Variants in PCBP2 observed in about 807,000 individuals in gnomAD.
The protein encoded by PCBP2 is poly(rC) binding protein 2, also known as poly(rC)-binding protein 2.
Under a neutral mutation model 50.1 loss-of-function variants are expected in PCBP2, and 4 were observed. That is an observed-to-expected ratio of 0.08 (90% CI 0.04 to 0.18). PCBP2 has a LOEUF of 0.18. Among genes scored for constraint, PCBP2 ranks in the 10% least tolerant of loss-of-function variants. PCBP2 has a pLI of 1.00. For synonymous variants in PCBP2, 179 were observed against 168.0 expected, an observed-to-expected ratio of 1.07 and a Z score of -0.51; for missense variants, 161 against 474.3, an observed-to-expected ratio of 0.34 and a Z score of 6.14.
intron 14 of PCBP2, among the ~76,000 whole-genome samples, chr12:53,477,718 A>T (rs1193155870): frequency 6.9e-6 from 1 of 143,910 alleles, no homozygotes; most frequent in African/African-American, 2.5e-5. Flanking sequence ...CTTAATACTG[A>T]GGTGGAGAAA....
chr12:53,468,440 A>AG, intron 12 of PCBP2: 1 of 313,148 alleles, frequency 3.2e-6, no homozygotes. Context: ...ACAACAGGAA[A>AG]GGGGTAGAAG....
At chr12:53,452,455 C>A (rs893862106) in intron 1 of PCBP2, 79 bp downstream of exon 1, 6 of 151,016 alleles carry the variant, frequency 4.0e-5, no homozygotes, top group African/African-American at 1.2e-4. Context: ...CGGCTCGGGT[C>A]CTAGTCACGA....
At chr12:53,462,353 T>A (rs1941508865) in intron 7 of PCBP2, 140 bp from the exon 8 acceptor site, 2 of 589,156 alleles carry the variant, frequency 3.4e-6, no homozygotes, top group Admixed American at 3.2e-5. Flanking sequence ...TGAGATTAGA[T>A]CTAGCCAGAG....
chr12:53,471,499 A>G, intron 13 of PCBP2, 139 bp from the exon 14 acceptor site: 1 of 705,664 alleles, frequency 1.4e-6, no homozygotes, highest in Non-Finnish European at 2.1e-6. Context: ...CAGGAGGCTG[A>G]GGTTGCACAG....
intron 5 of PCBP2, among the ~76,000 whole-genome samples, chr12:53,457,484 C>T (rs117222813): frequency 6.6e-6 from 1 of 151,956 alleles, no homozygotes; most frequent in Admixed American, 6.6e-5. Flanking sequence ...TAGGTGGGAC[C>T]ACAGGCTTGA....
Position 53,471,763 on chromosome 12 carries a change from A to T in PCBP2, c.1008A>T (p.Gly336=), listed in dbSNP as rs563968988. The change falls in exon 14 of 15, where the codon GGA becomes GGT. Residue 336 remains glycine, a synonymous_variant. Transcript: ENST00000546463. ...CTGATAGGCAGGTTACCATCACTGG[A>T]TCTGCTGCCAGCATTAGCCTGGCTC... ...GSTDRQVTIT[G]SAASISLAQY... is the part of the protein sequence containing the mutation. The T allele has an allele frequency of 1.2e-6, 2 of 1,613,362 alleles. No individual in the cohort carries two copies. Among genetic ancestry groups the T allele is most frequent in the Admixed American group, 1.7e-5 (1 of 60,008 alleles).
intron 14 of PCBP2, among the ~76,000 whole-genome samples, chr12:53,478,657 A>G (rs1197043679): frequency 6.6e-6 from 1 of 151,818 alleles, no homozygotes; most frequent in African/African-American, 2.4e-5. Flanking sequence ...TAGAAAAAGT[A>G]GCTGGGAGTG....
At chr12:53,471,897 T>A in intron 14 of PCBP2, 90 bp downstream of exon 14, 1 of 1,062,038 alleles carries the variant, frequency 9.4e-7, no homozygotes, top group Non-Finnish European at 1.3e-6. Context: ...TGGGATTACA[T>A]GGGCGATGGG....
chr12:53,466,590 T>G (rs933702393), intron 10 of PCBP2, among the ~76,000 whole-genome samples: 1 of 152,224 alleles, frequency 6.6e-6, no homozygotes, highest in Admixed American at 6.5e-5. Context: ...TGAGCATTAT[T>G]AGACTTGGGA....
chr12:53,460,940 C>A, intron 6 of PCBP2, 75 bp from the exon 7 acceptor site: 1 of 1,531,892 alleles, frequency 6.5e-7, no homozygotes, highest in Non-Finnish European at 9.0e-7. Context: ...GTTTTAGGCT[C>A]TGAAATTGCT....
At chr12:53,461,536 A>G (rs1941445523) in intron 7 of PCBP2, among the ~76,000 whole-genome samples, 1 of 152,218 alleles carries the variant, frequency 6.6e-6, no homozygotes. Context: ...GTAGGAGGGT[A>G]TTCAAAGTGT....
intron 2 of PCBP2, 71 bp downstream of exon 2, chr12:53,454,940 C>A: frequency 7.9e-7 from 1 of 1,258,034 alleles, no homozygotes; most frequent in Non-Finnish European, 1.2e-6. Flanking sequence ...AGACATGCAT[C>A]TTGGAGCTCA....
intron 5 of PCBP2, among the ~76,000 whole-genome samples, chr12:53,458,742 G>A (rs1285237169): frequency 6.6e-6 from 1 of 151,486 alleles, no homozygotes; most frequent in African/African-American, 2.4e-5. Flanking sequence ...GGGTTCAAGC[G>A]ATTCTCCCGC....
intron 14 of PCBP2, among the ~76,000 whole-genome samples, chr12:53,472,497 T>G (rs1238451701): frequency 6.6e-6 from 1 of 152,204 alleles, no homozygotes; most frequent in Non-Finnish European, 1.5e-5. Context: ...GATCCTACAG[T>G]CATTTATATT....
At position 53,471,709 on chromosome 12, in the gene PCBP2, C is replaced by T; in HGVS notation, c.954C>T (p.Ile318=). 1 of 1,613,966 alleles carries T rather than the reference C, an allele frequency of 6.2e-7. No homozygotes were observed. The highest frequency in any genetic ancestry group is 8.5e-7 in the Non-Finnish European group (1 of 1,180,000). The change falls in exon 14 of 15, where the codon ATC becomes ATT. Residue 318 remains isoleucine (I), a synonymous_variant. Coordinates refer to ENST00000546463, the MANE Select transcript of PCBP2 (RefSeq NM_031989.5). ...NEIRQMSGAQ[I]KIANPVEGST... Reference sequence around the variant, plus strand: ...TCCGTCAGATGTCTGGGGCGCAGATCAAAATTGCGAACCCAGTGGAAGGAT... The same window carrying T: ...TCCGTCAGATGTCTGGGGCGCAGATTAAAATTGCGAACCCAGTGGAAGGAT...
Position 53,459,307 on chromosome 12 carries a change from C to T in PCBP2, c.279C>T (p.Ala93=). 2 of 1,612,924 alleles carry T rather than the reference C, an allele frequency of 1.2e-6. No individual in the cohort carries two copies. The highest frequency in any genetic ancestry group is 8.5e-7 in the Non-Finnish European group (1 of 1,179,298). The change falls in exon 6 of 15, where the codon GCC becomes GCT. Residue 93 remains alanine, a synonymous_variant. Transcript: ENST00000546463. ...ISSSMTNSTA[A]SRPPVTLRLV... ...GCTCTATGACCAATAGCACAGCTGC[C>T]AGTAGACCCCCGGTCACCCTGAGGC... is the stretch of plus-strand genomic sequence containing the variant.
intron 13 of PCBP2, 98 bp downstream of exon 13, chr12:53,468,930 T>TTTTTTTTTTTTTTTTTTTG: frequency 2.0e-6 from 2 of 1,004,124 alleles, no homozygotes; most frequent in African/African-American, 3.3e-5. Flanking sequence ...TTTTTTTTTT[T>TTTTTTTTTTTTTTTTTTTG]TTTTTTAAAC....
At chr12:53,456,457 CAAAA>C (rs111399555) in intron 5 of PCBP2, among the ~76,000 whole-genome samples, 5 of 127,792 alleles carry the variant, frequency 3.9e-5, no homozygotes, top group Admixed American at 3.2e-4. Context: ...GACTCTGTCT[CAAAA>C]AAAAAAAAAA....
intron 13 of PCBP2, among the ~76,000 whole-genome samples, chr12:53,469,827 C>T (rs551397366): frequency 2.9e-4 from 42 of 145,358 alleles, no homozygotes; most frequent in East Asian, 2.8e-3. Flanking sequence ...CTGTGACCTC[C>T]GTCTCCTGGG....
Sources: gnomAD v4.1 joint callset for allele counts (sites outside exome capture counted in the v4.1 genomes callset) on GRCh38, gnomAD v4.1.1 for gene constraint, MANE v1.5 for transcripts, NCBI Gene and HGNC (gene_info 2026-07-23, HGNC 2026-07-21) for gene names.